Variants in PLPP3 observed in about 807,000 individuals in gnomAD.
The protein encoded by PLPP3 is PAP2 beta.
PLPP3 carries 6 observed loss-of-function variants against 29.6 expected under a neutral mutation model. The ratio of observed to expected loss-of-function variants is 0.20; its 90% CI spans 0.11 to 0.40. The LOEUF (loss-of-function observed/expected upper bound fraction) is 0.40. PLPP3 is among the 10% of genes least tolerant of loss of function. PLPP3 has a pLI of 1.00. For missense variants in PLPP3, 308 were observed against 407.7 expected, an observed-to-expected ratio of 0.76 and a Z score of 2.11; for synonymous variants, 152 against 159.7, an observed-to-expected ratio of 0.95 and a Z score of 0.36.
chr1:56,526,700 CGAG>C (rs1397309686), intron 2 of PLPP3, among the ~76,000 whole-genome samples: 1 of 152,174 alleles, frequency 6.6e-6, no homozygotes, highest in Non-Finnish European at 1.5e-5. Flanking sequence ...ATTTGCAAAA[CGAG>C]GGTGCTAGAC....
intron 1 of PLPP3, among the ~76,000 whole-genome samples, chr1:56,572,043 GTT>G (rs375576842): frequency 1.1e-4 from 9 of 85,072 alleles, no homozygotes; most frequent in African/African-American, 3.0e-4. Context: ...ATCATTTCTG[GTT>G]TTTTTTTTTT....
At chr1:56,509,280 C>T (rs1168963699) in intron 5 of PLPP3, among the ~76,000 whole-genome samples, 1 of 152,148 alleles carries the variant, frequency 6.6e-6, no homozygotes, top group African/African-American at 2.4e-5. Flanking sequence ...CTGGATCCAC[C>T]CAAAGGGTTA....
chr1:56,540,400 T>G (rs1017477546), intron 1 of PLPP3, among the ~76,000 whole-genome samples: 2 of 151,134 alleles, frequency 1.3e-5, no homozygotes, highest in Non-Finnish European at 2.9e-5. Flanking sequence ...CAGCATAGAG[T>G]CCGGGACACA....
intron 5 of PLPP3, among the ~76,000 whole-genome samples, chr1:56,501,257 TTC>T (rs1645666279): frequency 6.6e-6 from 1 of 152,098 alleles, no homozygotes. Context: ...TTCTTTCTAG[TTC>T]TGTTTTCAAC....
At chr1:56,522,410 T>C (rs1645824991) in intron 4 of PLPP3, among the ~76,000 whole-genome samples, 1 of 152,028 alleles carries the variant, frequency 6.6e-6, no homozygotes, top group Non-Finnish European at 1.5e-5. Context: ...TTATAAAACA[T>C]CGAAATTACA....
intron 5 of PLPP3, among the ~76,000 whole-genome samples, 156 bp from the exon 6 acceptor site, chr1:56,496,832 G>T (rs1373654450): frequency 6.6e-6 from 1 of 152,096 alleles, no homozygotes; most frequent in Non-Finnish European, 1.5e-5. Context: ...TATCATCAAG[G>T]TTTATTGTAC....
At position 56,577,844 on chromosome 1, in the gene PLPP3, G is replaced by T. The variant is rs188026687; in HGVS notation, c.139+1034C>A. Among the ~76,000 whole-genome samples, 3 of 152,176 alleles carry T rather than the reference G, an allele frequency of 2.0e-5. No individual in the cohort carries two copies. In the East Asian group the frequency reaches 5.8e-4, roughly 29 times the overall value. On this transcript the variant is annotated intron_variant, in intron 1 of 5. Coordinates refer to ENST00000371250, the MANE Select transcript of PLPP3 (RefSeq NM_003713.5). ...AAACTGAGGCCCATGAGGCAGTTAA[G>T]TGGCACACCCAGCAAGTGGCAAGAG...
At chr1:56,530,105 T>C (rs1025514633) in intron 2 of PLPP3, among the ~76,000 whole-genome samples, 16 of 151,276 alleles carry the variant, frequency 1.1e-4, no homozygotes, top group Non-Finnish European at 2.1e-4. Context: ...CTGCAACCTC[T>C]TACTCTTTTT....
chr1:56,540,256 T>G (rs1310948464), intron 1 of PLPP3, among the ~76,000 whole-genome samples: 1 of 152,134 alleles, frequency 6.6e-6, no homozygotes, highest in East Asian at 1.9e-4. Context: ...GAGGCTTAAC[T>G]ATATATATTA....
Position 56,496,473 on chromosome 1 carries a change from G to A in PLPP3, c.*78C>T. The stretch of plus-strand genomic sequence containing the variant: ...CAAAAGTTTTTCCCTACATTCTACT[G>A]TCTGATGAGATTGGAGAGCAGCAAG... On this transcript the variant is annotated 3_prime_UTR_variant, in exon 6 of 6. Coordinates refer to ENST00000371250, the MANE Select transcript of PLPP3 (RefSeq NM_003713.5). 2.0e-6 allele frequency: 3 copies of A among 1,522,122 alleles called. No individual in the cohort carries two copies. Among genetic ancestry groups the A allele is most frequent in the Non-Finnish European group, 2.7e-6 (3 of 1,112,720 alleles). 94.3% of individuals were successfully genotyped at this position (1,522,122 alleles called of 1,614,324 possible).
chr1:56,553,487 TA>T (rs1326892030), intron 1 of PLPP3, among the ~76,000 whole-genome samples: 8 of 152,114 alleles, frequency 5.3e-5, no homozygotes, highest in Non-Finnish European at 1.0e-4. Context: ...TGAGGTGCAT[TA>T]AGGCCTCTTA....
At chr1:56,498,545 G>A (rs1645644665) in intron 5 of PLPP3, among the ~76,000 whole-genome samples, 1 of 151,910 alleles carries the variant, frequency 6.6e-6, no homozygotes, top group South Asian at 2.1e-4. Flanking sequence ...AGACAACAAT[G>A]TCCTCATCTG....
At chr1:56,538,661 A>G in intron 1 of PLPP3, 1 of 301,938 alleles carries the variant, frequency 3.3e-6, no homozygotes, top group Non-Finnish European at 6.2e-6. Context: ...GTTCCCCAGC[A>G]TGCCGTTGGT....
At chr1:56,499,175 T>C (rs562099053) in intron 5 of PLPP3, among the ~76,000 whole-genome samples, 1 of 149,252 alleles carries the variant, frequency 6.7e-6, no homozygotes, top group South Asian at 2.2e-4. Flanking sequence ...AGTCACTATA[T>C]CCTAGGGTTT....
chr1:56,525,151 T>C (rs978106478), intron 2 of PLPP3, among the ~76,000 whole-genome samples: 2 of 152,172 alleles, frequency 1.3e-5, no homozygotes, highest in African/African-American at 4.8e-5. Context: ...GGCCTTCTGC[T>C]CCATAAAAGG....
intron 4 of PLPP3, chr1:56,513,404 G>A (rs2404716): frequency 0.24 from 36,667 of 152,610 alleles, 4,433 homozygotes; most frequent in South Asian, 0.33. Flanking sequence ...TGGAGAGGCA[G>A]GAGAAGGGAA....
intron 1 of PLPP3, among the ~76,000 whole-genome samples, chr1:56,556,735 T>C (rs2100290509): frequency 6.6e-6 from 1 of 150,782 alleles, no homozygotes; most frequent in Non-Finnish European, 1.5e-5. Context: ...ACAGTATAGG[T>C]GAATGTAGTG....
intron 5 of PLPP3, among the ~76,000 whole-genome samples, chr1:56,510,495 G>A (rs975064927): frequency 6.6e-6 from 1 of 152,230 alleles, no homozygotes; most frequent in African/African-American, 2.4e-5. Context: ...TCTGATTGCT[G>A]CAACTCCTTC....
At chr1:56,569,506 T>C (rs1037735959) in intron 1 of PLPP3, among the ~76,000 whole-genome samples, 1 of 152,126 alleles carries the variant, frequency 6.6e-6, no homozygotes, top group Admixed American at 6.5e-5. Flanking sequence ...GCAGCCACTA[T>C]GAAAAACAGT....
Sources: allele counts gnomAD v4.1 joint callset (sites outside exome capture counted in the v4.1 genomes callset), GRCh38; gene constraint gnomAD v4.1.1; transcripts MANE v1.5; gene names NCBI Gene and HGNC (gene_info 2026-07-23, HGNC 2026-07-21).